The following HEATR4 variants were observed in gnomAD, a reference collection of about 807,000 sequenced individuals.
HEATR4 encodes HEAT repeat-containing protein 4.
A neutral mutation model predicts 108.8 loss-of-function variants in HEATR4; 95 were observed. The observed-to-expected ratio is 0.87, with a 90% CI of 0.74 to 1.04. The LOEUF (loss-of-function observed/expected upper bound fraction) is 1.04, where lower values mean the gene tolerates loss of function less well. HEATR4 is among the 50% of genes least tolerant of loss of function. The probability of loss-of-function intolerance (pLI) is 0.00; values close to 1 mark genes in which losing one functional copy is unlikely to be tolerated. For synonymous variants in HEATR4, 443 were observed against 459.4 expected, an observed-to-expected ratio of 0.96 and a Z score of 0.46; for missense variants, 1,152 against 1,253.8, an observed-to-expected ratio of 0.92 and a Z score of 1.23.
At position 73,498,318 on chromosome 14, in the gene HEATR4, G is replaced by A. The variant is rs1192246915; in HGVS notation, c.2383C>T (p.Pro795Ser). The change falls in exon 14 of 18, where the codon CCC becomes TCC. Residue 795 changes from proline to serine, a missense_variant. Coordinates refer to ENST00000553558, the MANE Select transcript of HEATR4 (RefSeq NM_001220484.1). ...RALGQIGQVS[P>S]ELTDLLLWAI... ...CAGAGCAGAAGATCCGTCAGCTCGGGACTTACTTGCCCAATCTGTCCCAAA... is the reference window on the plus strand; with the variant it reads ...CAGAGCAGAAGATCCGTCAGCTCGGAACTTACTTGCCCAATCTGTCCCAAA... The A allele has an allele frequency of 6.2e-7, 1 of 1,608,496 alleles. No homozygotes were observed. Among genetic ancestry groups the A allele is most frequent in the Non-Finnish European group, 8.5e-7 (1 of 1,176,358 alleles).
the HEATR4 span, chr14:73,580,896 C>T: frequency 1.3e-5 from 2 of 151,960 alleles, no homozygotes; most frequent in East Asian, 3.9e-4. Flanking sequence ...TATCTTGAGA[C>T]TCACTGGGGG....
chr14:73,581,261 TCCAAGATCAAGGCAC>T, the HEATR4 span: 2 of 151,782 alleles, frequency 1.3e-5, no homozygotes, highest in African/African-American at 4.8e-5. Flanking sequence ...AGCTAGGAAA[TCCAAGATCAAGGCAC>T]CCACAGATCT....
Position 73,557,832 on chromosome 14 carries a change from G to A in HEATR4, c.-152+919C>T, listed in dbSNP as rs1447474570. Among the ~76,000 whole-genome samples the A allele has an allele frequency of 3.5e-5, 3 of 86,920 alleles. 1 individual carries two copies. The highest frequency in any genetic ancestry group is 5.4e-5 in the Non-Finnish European group (2 of 37,128). The allele number at this position is 86,920 out of a possible 152,430, so 57.0% of individuals were successfully genotyped here. A position where few individuals can be genotyped will look rare whatever the true frequency, so the allele number is the denominator to read the frequency against. The stretch of plus-strand genomic sequence containing the variant: ...AGCGTCCCCAGTAGCTGGGACCACA[G>A]GTGTGCACCACCATGCCTGGCTAAT... On this transcript the variant is annotated intron_variant, in intron 1 of 17. Coordinates refer to ENST00000553558, the MANE Select transcript of HEATR4 (RefSeq NM_001220484.1).
the HEATR4 span, among the ~76,000 whole-genome samples, chr14:73,609,078 G>C: frequency 6.6e-6 from 1 of 152,108 alleles, no homozygotes; most frequent in Non-Finnish European, 1.5e-5. Flanking sequence ...ATTTGGGTGG[G>C]GACACAGCCA....
chr14:73,620,597 C>T, the HEATR4 span, among the ~76,000 whole-genome samples: 1 of 151,762 alleles, frequency 6.6e-6, no homozygotes, highest in Non-Finnish European at 1.5e-5. Flanking sequence ...GACGGAGTCT[C>T]GCTTTTGTTG....
At chr14:73,586,247 G>A in the HEATR4 span, among the ~76,000 whole-genome samples, 1 of 146,024 alleles carries the variant, frequency 6.8e-6, no homozygotes, top group African/African-American at 2.5e-5. Context: ...TACAAAATTA[G>A]CTGGGCATCG....
At chr14:73,615,397 A>C in the HEATR4 span, among the ~76,000 whole-genome samples, 3 of 141,600 alleles carry the variant, frequency 2.1e-5, no homozygotes, top group African/African-American at 5.3e-5. Context: ...ATAAAAAAAA[A>C]AAAAAAAAAA....
Position 73,554,778 on chromosome 14 carries a change from T to G in HEATR4, c.-152+3973A>C, listed in dbSNP as rs1170975531. Among the ~76,000 whole-genome samples, 3 of 115,178 alleles carry G rather than the reference T, an allele frequency of 2.6e-5. 1 individual carries two copies. The highest frequency in any genetic ancestry group is 3.8e-5 in the Non-Finnish European group (2 of 52,378). The allele number at this position is 115,178 out of a possible 152,430, so 75.6% of individuals were successfully genotyped here. A position where few individuals can be genotyped will look rare whatever the true frequency, so the allele number is the denominator to read the frequency against. On this transcript the variant is annotated intron_variant, in intron 1 of 17. Coordinates refer to ENST00000553558, the MANE Select transcript of HEATR4 (RefSeq NM_001220484.1). ...TCTTCCCTCACTGCTGATTCTTAGA[T>G]AGAAACCATTCTTTATATTTGATAG...
At chr14:73,626,084 A>G in the HEATR4 span, among the ~76,000 whole-genome samples, 1 of 152,252 alleles carries the variant, frequency 6.6e-6, no homozygotes, top group Non-Finnish European at 1.5e-5. Flanking sequence ...ACAGTAAAAC[A>G]TCCTTATGGC....
chr14:73,582,567 TG>T, the HEATR4 span: 1 of 151,852 alleles, frequency 6.6e-6, no homozygotes, highest in South Asian at 2.1e-4. Context: ...ATGAGCATTT[TG>T]ATTTTACCTG....
intron 5 of HEATR4, among the ~76,000 whole-genome samples, chr14:73,516,711 G>A (rs1490193896): frequency 2.0e-5 from 3 of 152,182 alleles, no homozygotes; most frequent in African/African-American, 7.2e-5. Flanking sequence ...GATGTGAGTG[G>A]TGGGTGGGCA....
chr14:73,578,353 C>T, the HEATR4 span, among the ~76,000 whole-genome samples: 1 of 151,436 alleles, frequency 6.6e-6, no homozygotes, highest in East Asian at 1.9e-4. Context: ...CCTCAGCCCC[C>T]TGGGTAGCTG....
chr14:73,580,982 C>T, the HEATR4 span: 2 of 151,998 alleles, frequency 1.3e-5, no homozygotes, highest in African/African-American at 4.8e-5. Context: ...ACACTCCCAC[C>T]TTGGCCTCTC....
At chr14:73,565,676 C>T in the HEATR4 span, among the ~76,000 whole-genome samples, 1 of 151,936 alleles carries the variant, frequency 6.6e-6, no homozygotes, top group African/African-American at 2.4e-5. Flanking sequence ...AGTGTTACAG[C>T]TCTTAAGGCG....
the HEATR4 span, among the ~76,000 whole-genome samples, chr14:73,615,655 G>T: frequency 2.6e-5 from 4 of 151,610 alleles, no homozygotes; most frequent in African/African-American, 9.7e-5. Context: ...GCTTGAACCC[G>T]GGGGGAGACG....
intron 16 of HEATR4, 144 bp downstream of exon 16, chr14:73,495,084 G>C: frequency 1.7e-6 from 1 of 599,814 alleles, no homozygotes; most frequent in Non-Finnish European, 2.9e-6. Context: ...CAAAGACTGA[G>C]TGGATGGTAG....
the HEATR4 span, among the ~76,000 whole-genome samples, chr14:73,608,505 G>T: frequency 6.6e-6 from 1 of 152,100 alleles, no homozygotes; most frequent in Non-Finnish European, 1.5e-5. Flanking sequence ...CAGCATTTTG[G>T]TGAAAGCCAT....
chr14:73,479,807 C>T (rs1052315019), intron 17 of HEATR4, among the ~76,000 whole-genome samples: 9 of 151,460 alleles, frequency 5.9e-5, no homozygotes, highest in African/African-American at 2.2e-4. Context: ...GAACTCCTGA[C>T]CTCATGATCT....
chr14:73,504,455 G>A (rs1470233060), intron 10 of HEATR4, among the ~76,000 whole-genome samples: 7 of 152,146 alleles, frequency 4.6e-5, no homozygotes, highest in Middle Eastern at 3.4e-3. Context: ...TGTTAGCCAG[G>A]ATGGTCTCGA....
Sources: allele counts gnomAD v4.1 joint callset (sites outside exome capture counted in the v4.1 genomes callset), GRCh38; gene constraint gnomAD v4.1.1; transcripts MANE v1.5; gene names NCBI Gene and HGNC (gene_info 2026-07-23, HGNC 2026-07-21).